The following IREB2 variants were observed in gnomAD, a reference collection of about 807,000 sequenced individuals.
IREB2 encodes iron responsive element binding protein 2.
Under a neutral mutation model 118.8 loss-of-function variants are expected in IREB2, and 39 were observed. That is an observed-to-expected ratio of 0.33 (90% CI 0.25 to 0.43). The LOEUF is 0.43. Among genes scored for constraint, IREB2 ranks in the 20% least tolerant of loss-of-function variants. IREB2 has a pLI of 1.00. For synonymous variants in IREB2, 372 were observed against 392.2 expected (o/e 0.95, Z 0.61); for missense variants, 900 against 1,147.3 (o/e 0.78, Z 3.11).
At chr15:78,482,102 T>TG (rs1345053268) in intron 10 of IREB2, among the ~76,000 whole-genome samples, 1 of 152,052 alleles carries the variant, frequency 6.6e-6, no homozygotes. Context: ...TGGTGGCGCA[T>TG]GCCTGTAGTC....
chr15:78,465,416 G>A (rs2051265331), intron 4 of IREB2, 28 bp downstream of exon 4: 2 of 1,582,726 alleles, frequency 1.3e-6, no homozygotes, highest in Non-Finnish European at 1.7e-6. Context: ...TTTATAGACA[G>A]CCATGCAAGT....
chr15:78,471,618 T>C (rs529894816), intron 6 of IREB2, 123 bp from the exon 7 acceptor site: 93 of 541,488 alleles, frequency 1.7e-4, no homozygotes, highest in African/African-American at 1.5e-3. Context: ...CTATGTGATA[T>C]GAACTTTGTA....
At chr15:78,484,720 C>T in intron 11 of IREB2, 41 bp from the exon 12 acceptor site, 1 of 1,439,536 alleles carries the variant, frequency 6.9e-7, no homozygotes. Flanking sequence ...TCTGTACATA[C>T]CCAGAATATT....
At chr15:78,476,448 T>G (rs1172577440) in intron 9 of IREB2, 89 bp downstream of exon 9, 2 of 919,008 alleles carry the variant, frequency 2.2e-6, no homozygotes, top group East Asian at 5.4e-5. Context: ...ATCCATGTTA[T>G]TTACTATTCA....
chr15:78,461,133 A>T (rs905742), intron 2 of IREB2, among the ~76,000 whole-genome samples: 2 of 152,214 alleles, frequency 1.3e-5, no homozygotes, highest in Non-Finnish European at 2.9e-5. Flanking sequence ...TAACAGTTCC[A>T]TGTTCAAGAT....
At chr15:78,484,711 C>G (rs757184311) in intron 11 of IREB2, 50 bp from the exon 12 acceptor site, 1 of 1,364,326 alleles carries the variant, frequency 7.3e-7, no homozygotes, top group Non-Finnish European at 1.0e-6. Flanking sequence ...GTCTTTTATT[C>G]TGTACATACC....
intron 3 of IREB2, 32 bp downstream of exon 3, chr15:78,463,119 C>T: frequency 6.5e-7 from 1 of 1,533,430 alleles, no homozygotes; most frequent in Admixed American, 2.0e-5. Flanking sequence ...TGTGAATGAA[C>T]TCTTAGAGTG....
chr15:78,464,476 A>G (rs558607684), intron 3 of IREB2, among the ~76,000 whole-genome samples: 1 of 152,348 alleles, frequency 6.6e-6, no homozygotes, highest in South Asian at 2.1e-4. Flanking sequence ...ACATAGCCGC[A>G]TAAGAAATAA....
intron 2 of IREB2, among the ~76,000 whole-genome samples, chr15:78,454,339 T>A (rs766193858): frequency 5.9e-5 from 9 of 152,208 alleles, no homozygotes; most frequent in Non-Finnish European, 1.0e-4. Context: ...GAATACTATT[T>A]GGCAGTAAAA....
At chr15:78,478,545 A>G (rs2141501630) in intron 10 of IREB2, 148 bp downstream of exon 10, 1 of 546,318 alleles carries the variant, frequency 1.8e-6, no homozygotes. Context: ...ACTGCAAAAA[A>G]ACTACAAACA....
At chr15:78,494,087 T>C (rs778479106) in intron 19 of IREB2, 31 bp downstream of exon 19, 1 of 1,613,188 alleles carries the variant, frequency 6.2e-7, no homozygotes, top group East Asian at 2.2e-5. Context: ...TTTAGACAAT[T>C]TATAACTGGA....
chr15:78,453,599 A>G (rs1886718986), intron 2 of IREB2, among the ~76,000 whole-genome samples: 1 of 152,226 alleles, frequency 6.6e-6, no homozygotes, highest in South Asian at 2.1e-4. Context: ...ACTCCTATAG[A>G]GAAGTTATCA....
chr15:78,490,818 A>G, intron 18 of IREB2, 57 bp downstream of exon 18: 1 of 1,501,818 alleles, frequency 6.7e-7, no homozygotes, highest in East Asian at 2.3e-5. Flanking sequence ...ACTGATTAAG[A>G]GGCTTCTATT....
intron 2 of IREB2, among the ~76,000 whole-genome samples, chr15:78,452,587 A>G (rs2051043559): frequency 6.6e-6 from 1 of 152,114 alleles, no homozygotes; most frequent in Non-Finnish European, 1.5e-5. Flanking sequence ...TTAACAAGGA[A>G]GATAGGCCTA....
chr15:78,482,128 G>A (rs957470903), intron 10 of IREB2, among the ~76,000 whole-genome samples: 44 of 152,134 alleles, frequency 2.9e-4, no homozygotes, highest in African/African-American at 1.0e-3. Flanking sequence ...TACTTGTGGG[G>A]CTAAGGCGGG....
At chr15:78,469,854 A>C (rs891578839) in intron 5 of IREB2, among the ~76,000 whole-genome samples, 1 of 152,228 alleles carries the variant, frequency 6.6e-6, no homozygotes, top group African/African-American at 2.4e-5. Flanking sequence ...CAGGTAAAAG[A>C]AGCAGCTTAA....
intron 2 of IREB2, among the ~76,000 whole-genome samples, chr15:78,441,756 A>G (rs1229371624): frequency 1.3e-5 from 2 of 152,258 alleles, no homozygotes; most frequent in South Asian, 2.1e-4. Flanking sequence ...TACAGAGTAC[A>G]TGTGTACTTA....
rs1377423452 is a variant in IREB2, at chr15:78,500,717, T to G, written c.*2574T>G. Reference sequence around the variant, plus strand: ...ATATTTTGGGGTTTTGCTACTCTTATACAATGGAATCAATGGAAATGTCAT... The same window carrying G: ...ATATTTTGGGGTTTTGCTACTCTTAGACAATGGAATCAATGGAAATGTCAT... On this transcript the variant is annotated 3_prime_UTR_variant, in exon 22 of 22. Coordinates refer to ENST00000258886, the MANE Select transcript of IREB2 (RefSeq NM_004136.4). 6.6e-6 allele frequency: 1 copy of G among 152,210 alleles called. No homozygotes were observed. The highest frequency in any genetic ancestry group is 1.5e-5 in the Non-Finnish European group (1 of 68,016). The allele number at this position is 152,210 out of a possible 1,614,324, so 9.4% of individuals were successfully genotyped here.
chr15:78,483,100 A>G (rs1329459937), intron 10 of IREB2, among the ~76,000 whole-genome samples: 1 of 152,168 alleles, frequency 6.6e-6, no homozygotes, highest in Non-Finnish European at 1.5e-5. Flanking sequence ...CTGATCTACT[A>G]GTCTTGATTT....
Sources: allele counts gnomAD v4.1 joint callset (sites outside exome capture counted in the v4.1 genomes callset), GRCh38; gene constraint gnomAD v4.1.1; transcripts MANE v1.5; gene names NCBI Gene and HGNC (gene_info 2026-07-23, HGNC 2026-07-21).